Variants in CNTNAP4 observed in about 807,000 individuals in gnomAD.
CNTNAP4 encodes contactin-associated protein-like 4.
A neutral mutation model predicts 148.4 loss-of-function variants in CNTNAP4; 98 were observed. That is an observed-to-expected ratio of 0.66 (90% CI 0.56 to 0.78). The LOEUF (loss-of-function observed/expected upper bound fraction) is 0.78. Ranked by LOEUF, CNTNAP4 falls within the 30% of genes least tolerant of loss-of-function variation. CNTNAP4 has a pLI of 0.00. For missense variants in CNTNAP4, 1,935 were observed against 1,565.6 expected (o/e 1.24, Z -3.98); for synonymous variants, 730 against 565.1 (o/e 1.29, Z -4.14).
At chr16:76,305,229 A>G (rs986665988) in intron 1 of CNTNAP4, among the ~76,000 whole-genome samples, 1 of 152,172 alleles carries the variant, frequency 6.6e-6, no homozygotes, top group Non-Finnish European at 1.5e-5. Context: ...AATTTTCTCT[A>G]TGTCTGTGAC....
intron 2 of CNTNAP4, among the ~76,000 whole-genome samples, chr16:76,323,933 C>T (rs1348315670): frequency 6.6e-6 from 1 of 152,098 alleles, no homozygotes; most frequent in East Asian, 1.9e-4. Flanking sequence ...TCTTTTTTTA[C>T]CCCCTGGGTA....
rs1255671898 is a variant in CNTNAP4 at position 76,395,348 on chromosome 16, C to G, written c.391-32104C>G. Among the ~76,000 whole-genome samples, 3 of 151,858 alleles carry G rather than the reference C, an allele frequency of 2.0e-5. No individual in the cohort carries two copies. The South Asian group carries it at 6.2e-4, about 32-fold the overall frequency. ...TGGCGCAATCTTGGCTCATTGCAAC[C>G]TCTGCCTCCAGGGTTCAAGCAATTC... On this transcript the variant is annotated intron_variant, in intron 3 of 23. Transcript: ENST00000611870.
chr16:76,318,172 C>A (rs1167402061), intron 2 of CNTNAP4, among the ~76,000 whole-genome samples: 3 of 152,164 alleles, frequency 2.0e-5, no homozygotes, highest in Non-Finnish European at 2.9e-5. Context: ...GGTCTCCATT[C>A]TGTGCTTCTT....
intron 3 of CNTNAP4, among the ~76,000 whole-genome samples, chr16:76,409,895 A>C (rs959940252): frequency 3.9e-5 from 6 of 151,910 alleles, no homozygotes; most frequent in Admixed American, 1.3e-4. Flanking sequence ...ACTATACAAC[A>C]CAACAATCAC....
rs1434721191 is a variant in CNTNAP4, at chr16:76,558,875, A to G, written c.*192A>G. 1.1e-5 allele frequency: 5 copies of G among 453,362 alleles called. No individual in the cohort carries two copies. In the Admixed American group the frequency reaches 1.2e-4, roughly 11 times the overall value. 28.1% of individuals were successfully genotyped at this position (453,362 alleles called of 1,614,324 possible). A position where few individuals can be genotyped will look rare whatever the true frequency, so the allele number is the denominator to read the frequency against. ...ATATATTTCTCATAGCATTCATTCTATGGAACAAGAAATTAGATATTGCTG... is the reference window on the plus strand; with the variant it reads ...ATATATTTCTCATAGCATTCATTCTGTGGAACAAGAAATTAGATATTGCTG... On this transcript the variant is annotated 3_prime_UTR_variant, in exon 24 of 24. Coordinates refer to ENST00000611870, the MANE Select transcript of CNTNAP4 (RefSeq NM_033401.5).
Position 76,286,326 on chromosome 16 carries a change from A to G in CNTNAP4, c.85+8579A>G, listed in dbSNP as rs976269723. On this transcript the variant is annotated intron_variant, in intron 1 of 23. Transcript: ENST00000611870. ...GAATTAAATAGTGATGGGATGTAGA[A>G]TAAGATTGCTTCATATTTGCTATCC... Among the ~76,000 whole-genome samples the G allele has an allele frequency of 5.9e-5, 9 of 152,084 alleles. No homozygotes were observed. In the East Asian group the frequency reaches 1.2e-3, roughly 20 times the overall value.
chr16:76,277,798 C>A, intron 1 of CNTNAP4, 51 bp downstream of exon 1: 1 of 1,126,062 alleles, frequency 8.9e-7, no homozygotes, highest in Non-Finnish European at 1.3e-6. Context: ...CTCTGCAAAA[C>A]TTTGATTCTG....
chr16:76,495,164 G>A, intron 14 of CNTNAP4, 98 bp downstream of exon 14: 1 of 1,241,724 alleles, frequency 8.1e-7, no homozygotes, highest in South Asian at 1.4e-5. Flanking sequence ...ACAAGTTAGT[G>A]CAATGAAGTA....
intron 1 of CNTNAP4, among the ~76,000 whole-genome samples, chr16:76,306,820 A>G (rs1295515115): frequency 6.6e-6 from 1 of 152,204 alleles, no homozygotes; most frequent in Non-Finnish European, 1.5e-5. Flanking sequence ...TACTTTTTAA[A>G]TGTTATGTAT....
chr16:76,550,875 G>A (rs35407854), intron 21 of CNTNAP4, among the ~76,000 whole-genome samples: 2 of 152,176 alleles, frequency 1.3e-5, no homozygotes, highest in South Asian at 2.1e-4. Flanking sequence ...TCACAGTATC[G>A]TATGTAAGCA....
intron 15 of CNTNAP4, among the ~76,000 whole-genome samples, chr16:76,515,289 C>G (rs184839506): frequency 3.9e-4 from 60 of 152,168 alleles, no homozygotes; most frequent in South Asian, 4.1e-4. Flanking sequence ...ATTGTTTTCC[C>G]AAAATTTATG....
intron 15 of CNTNAP4, among the ~76,000 whole-genome samples, chr16:76,518,862 C>T (rs140107447): frequency 6.9e-4 from 105 of 152,276 alleles, no homozygotes; most frequent in African/African-American, 2.3e-3. Flanking sequence ...TCCGCCATTT[C>T]CTGCCTCTGG....
intron 3 of CNTNAP4, among the ~76,000 whole-genome samples, chr16:76,391,497 A>G (rs1275081557): frequency 6.6e-6 from 1 of 152,224 alleles, no homozygotes; most frequent in Non-Finnish European, 1.5e-5. Context: ...TGCTTGGCCT[A>G]GTAAATAAAG....
intron 23 of CNTNAP4, chr16:76,557,341 T>C (rs2085240196): frequency 6.6e-6 from 1 of 152,232 alleles, no homozygotes; most frequent in South Asian, 2.1e-4. Context: ...TTAGTCATTC[T>C]TTCAAATAAA....
intron 15 of CNTNAP4, among the ~76,000 whole-genome samples, chr16:76,520,519 A>G (rs567325778): frequency 6.6e-6 from 1 of 152,262 alleles, no homozygotes; most frequent in African/African-American, 2.4e-5. Context: ...CTTCATTCTT[A>G]TTGGCAAAGT....
At chr16:76,473,165 T>G (rs2081433939) in intron 10 of CNTNAP4, among the ~76,000 whole-genome samples, 1 of 152,196 alleles carries the variant, frequency 6.6e-6, no homozygotes, top group Non-Finnish European at 1.5e-5. Context: ...TGAATTCCTG[T>G]GAATCTATAA....
At chr16:76,442,682 G>A (rs747823063) in intron 4 of CNTNAP4, among the ~76,000 whole-genome samples, 1 of 152,030 alleles carries the variant, frequency 6.6e-6, no homozygotes, top group Non-Finnish European at 1.5e-5. Flanking sequence ...ATTCTCATGA[G>A]AACTAATCAG....
intron 2 of CNTNAP4, 42 bp downstream of exon 2, chr16:76,316,565 C>A: frequency 7.6e-7 from 1 of 1,318,152 alleles, no homozygotes; most frequent in Non-Finnish European, 1.1e-6. Flanking sequence ...TAGAAAATCT[C>A]ACTAGTTTTT....
At chr16:76,462,622 C>G (rs555941377) in intron 9 of CNTNAP4, among the ~76,000 whole-genome samples, 1 of 152,148 alleles carries the variant, frequency 6.6e-6, no homozygotes, top group African/African-American at 2.4e-5. Flanking sequence ...CATCAGCCTT[C>G]GACACCAGCT....
Sources: gnomAD v4.1 joint callset for allele counts (sites outside exome capture counted in the v4.1 genomes callset) on GRCh38, gnomAD v4.1.1 for gene constraint, MANE v1.5 for transcripts, NCBI Gene and HGNC (gene_info 2026-07-23, HGNC 2026-07-21) for gene names.